CFAP54: variants seen among roughly 807,000 people sequenced by gnomAD.
CFAP54 encodes the protein cilia- and flagella-associated protein 54.
In CFAP54, 290 loss-of-function variants were observed where a neutral mutation model predicts 370.4. The observed-to-expected ratio is 0.78, with a 90% CI of 0.71 to 0.86. The LOEUF is 0.86. Among genes scored for constraint, CFAP54 ranks in the 40% least tolerant of loss-of-function variants. The pLI is 0.00. For missense variants in CFAP54, 3,399 were observed against 3,528.7 expected, an observed-to-expected ratio of 0.96 and a Z score of 0.93; for synonymous variants, 1,206 against 1,236.5, an observed-to-expected ratio of 0.98 and a Z score of 0.52.
chr12:96,863,251 G>A (rs954829629), intron 67 of CFAP54, among the ~76,000 whole-genome samples: 8 of 152,104 alleles, frequency 5.3e-5, no homozygotes, highest in African/African-American at 1.9e-4. Context: ...GGGAGGCAGA[G>A]GTATCACCAA....
chr12:96,497,454 T>A (rs1436359729), intron 1 of CFAP54, among the ~76,000 whole-genome samples: 2 of 152,176 alleles, frequency 1.3e-5, no homozygotes, highest in Admixed American at 1.3e-4. Context: ...TGGAACAATA[T>A]ACACAGCTCA....
At chr12:96,655,031 C>CA (rs11413534) in intron 36 of CFAP54, among the ~76,000 whole-genome samples, 36,799 of 151,064 alleles carry the variant, frequency 0.24, 5,373 homozygotes, top group East Asian at 0.49. Context: ...TGTGAATGGC[C>CA]AAAAAAATTT....
intron 50 of CFAP54, among the ~76,000 whole-genome samples, chr12:96,736,907 T>C (rs1380885372): frequency 6.6e-6 from 1 of 152,236 alleles, no homozygotes; most frequent in Non-Finnish European, 1.5e-5. Flanking sequence ...GAGTAACAGA[T>C]AAGAGTACAG....
intron 5 of CFAP54, among the ~76,000 whole-genome samples, chr12:96,518,618 G>A (rs1348277408): frequency 5.3e-5 from 8 of 152,048 alleles, no homozygotes; most frequent in African/African-American, 9.7e-5. Flanking sequence ...CCCAGGGGGC[G>A]GAGGTTGCAG....
chr12:96,594,262 T>C (rs1956153375), intron 24 of CFAP54, 29 bp from the exon 25 acceptor site: 2 of 1,479,522 alleles, frequency 1.4e-6, no homozygotes. Context: ...CTATGTTCAA[T>C]CTGAGTAACA....
intron 39 of CFAP54, among the ~76,000 whole-genome samples, chr12:96,670,516 C>G (rs1405872042): frequency 6.6e-6 from 1 of 152,150 alleles, no homozygotes; most frequent in Non-Finnish European, 1.5e-5. Flanking sequence ...ATGGCCACAC[C>G]TAACTTCAAA....
chr12:96,673,050 C>T (rs1055175929), intron 39 of CFAP54, among the ~76,000 whole-genome samples: 5 of 151,902 alleles, frequency 3.3e-5, no homozygotes, highest in African/African-American at 9.7e-5. Context: ...TTCTCAATGG[C>T]GGTAGAGGCA....
intron 15 of CFAP54, among the ~76,000 whole-genome samples, chr12:96,551,545 A>C (rs1469786739): frequency 2.0e-5 from 3 of 150,918 alleles, no homozygotes; most frequent in Admixed American, 6.6e-5. Context: ...ATATAGTATA[A>C]AATTGTTTAT....
intron 15 of CFAP54, among the ~76,000 whole-genome samples, chr12:96,553,325 T>C (rs1955716007): frequency 6.6e-6 from 1 of 151,980 alleles, no homozygotes; most frequent in Non-Finnish European, 1.5e-5. Context: ...TAAAAGAGAA[T>C]TAAAAATATG....
chr12:96,625,144 A>G (rs1467443891), intron 28 of CFAP54, among the ~76,000 whole-genome samples: 1 of 152,212 alleles, frequency 6.6e-6, no homozygotes, highest in Non-Finnish European at 1.5e-5. Flanking sequence ...ATTTTACAAA[A>G]TATACTATTT....
chr12:96,864,289 G>T (rs1959950797), intron 67 of CFAP54, among the ~76,000 whole-genome samples: 1 of 152,182 alleles, frequency 6.6e-6, no homozygotes, highest in Admixed American at 6.5e-5. Context: ...AGGGAAGTCA[G>T]GAAAGAGCGA....
intron 5 of CFAP54, among the ~76,000 whole-genome samples, chr12:96,515,159 C>A (rs929774197): frequency 6.6e-6 from 1 of 152,036 alleles, no homozygotes; most frequent in Non-Finnish European, 1.5e-5. Flanking sequence ...AGGCACCCAC[C>A]ACCATGCCAG....
chr12:96,517,037 A>C (rs984133806), intron 5 of CFAP54, among the ~76,000 whole-genome samples: 1 of 150,224 alleles, frequency 6.7e-6, no homozygotes, highest in Non-Finnish European at 1.5e-5. Context: ...AATAGTCCTG[A>C]TGTATCCTAT....
chr12:96,682,724 G>A (rs1957286160), intron 40 of CFAP54, among the ~76,000 whole-genome samples: 1 of 152,018 alleles, frequency 6.6e-6, no homozygotes, highest in South Asian at 2.1e-4. Flanking sequence ...ATTGCATCTG[G>A]TCCTGAAATC....
intron 17 of CFAP54, among the ~76,000 whole-genome samples, chr12:96,557,180 A>G (rs1455277413): frequency 6.6e-6 from 1 of 152,118 alleles, no homozygotes; most frequent in Non-Finnish European, 1.5e-5. Flanking sequence ...GCTCATGACC[A>G]CTTTCTATCT....
intron 48 of CFAP54, among the ~76,000 whole-genome samples, chr12:96,713,580 C>T (rs1417612890): frequency 2.6e-5 from 4 of 152,058 alleles, no homozygotes; most frequent in African/African-American, 4.8e-5. Flanking sequence ...ACAAAAAATA[C>T]TCTCTGAAAA....
chr12:96,849,782 T>G (rs777827699), intron 66 of CFAP54, among the ~76,000 whole-genome samples: 2 of 152,154 alleles, frequency 1.3e-5, no homozygotes, highest in Non-Finnish European at 2.9e-5. Flanking sequence ...CCCTTCTTCT[T>G]ACTATTTCAG....
At chr12:96,569,193 GT>G (rs2136415007) in intron 19 of CFAP54, among the ~76,000 whole-genome samples, 1 of 152,288 alleles carries the variant, frequency 6.6e-6, no homozygotes, top group South Asian at 2.1e-4. Context: ...AGTGTTGGCG[GT>G]TTTGAGGATG....
At chr12:96,862,289 C>T (rs1959897934) in intron 67 of CFAP54, among the ~76,000 whole-genome samples, 1 of 152,100 alleles carries the variant, frequency 6.6e-6, no homozygotes, top group South Asian at 2.1e-4. Context: ...GAAGGGGGCA[C>T]ACTGAAGGAG....
Sources: allele counts gnomAD v4.1 joint callset (sites outside exome capture counted in the v4.1 genomes callset), GRCh38; gene constraint gnomAD v4.1.1; transcripts MANE v1.5; gene names NCBI Gene and HGNC (gene_info 2026-07-23, HGNC 2026-07-21).